Variants in THEM6 observed in about 807,000 individuals in gnomAD.
The protein encoded by THEM6 is thioesterase superfamily member 6.
THEM6 carries 10 observed loss-of-function variants against 13.7 expected under a neutral mutation model. The ratio of observed to expected loss-of-function variants is 0.73; its 90% CI spans 0.45 to 1.24. THEM6 has a LOEUF of 1.24. THEM6 is among the 50% of genes most tolerant of loss of function. The pLI is 0.00. For synonymous variants in THEM6, 161 were observed against 156.0 expected (o/e 1.03, Z -0.24); for missense variants, 317 against 312.6 (o/e 1.01, Z -0.11).
At chr8:142,731,847 G>A (rs1482410797) in intron 1 of THEM6, among the ~76,000 whole-genome samples, 1 of 152,090 alleles carries the variant, frequency 6.6e-6, no homozygotes, top group Non-Finnish European at 1.5e-5. Context: ...CTCGGGCTGG[G>A]TGGGATTTGC....
chr8:142,731,523 CAT>C (rs1427118577), intron 1 of THEM6, among the ~76,000 whole-genome samples: 20 of 152,304 alleles, frequency 1.3e-4, no homozygotes, highest in African/African-American at 4.6e-4. Context: ...CAATCTTCAA[CAT>C]GTCTTAACTT....
In THEM6 at chr8:142,735,447, C is replaced by G; in HGVS notation, c.*8C>G. The G allele has an allele frequency of 6.4e-7, 1 of 1,553,990 alleles. No homozygotes were observed. Among genetic ancestry groups the G allele is most frequent in the Non-Finnish European group, 8.7e-7 (1 of 1,146,254 alleles). On this transcript the variant is annotated 3_prime_UTR_variant, in exon 2 of 2. Transcript: ENST00000336138. The stretch of plus-strand genomic sequence containing the variant: ...GTCACCAAGGACCAGTGACCGCCAC[C>G]TTCACACCGTCTGCCCTGGCCACCA...
intron 1 of THEM6, among the ~76,000 whole-genome samples, chr8:142,732,727 T>TC (rs1815679229): frequency 1.3e-5 from 2 of 151,302 alleles, no homozygotes; most frequent in South Asian, 2.1e-4. Context: ...TTTTTTTTTT[T>TC]CTGCATTGCT....
chr8:142,732,793 C>G (rs1318065464), intron 1 of THEM6, among the ~76,000 whole-genome samples: 1 of 151,100 alleles, frequency 6.6e-6, no homozygotes, highest in African/African-American at 2.4e-5. Flanking sequence ...ATCCCTGAGG[C>G]CACTGCAGTG....
chr8:142,732,417 G>C (rs1292165927), intron 1 of THEM6, among the ~76,000 whole-genome samples: 1 of 151,208 alleles, frequency 6.6e-6, no homozygotes, highest in African/African-American at 2.4e-5. Flanking sequence ...GTGTAGGCGT[G>C]CTGGTATAAA....
At chr8:142,727,988 C>G (rs970478762) in intron 1 of THEM6, 129 bp downstream of exon 1, 1 of 1,058,094 alleles carries the variant, frequency 9.5e-7, no homozygotes, top group Non-Finnish European at 1.3e-6. Flanking sequence ...TGCTGGAGTC[C>G]TGCCTCTTAC....
At chr8:142,728,848 A>T (rs1380891947) in intron 1 of THEM6, among the ~76,000 whole-genome samples, 1 of 151,608 alleles carries the variant, frequency 6.6e-6, no homozygotes, top group Non-Finnish European at 1.5e-5. Flanking sequence ...GCTTGTATAT[A>T]TGGGGAGATG....
At chr8:142,733,228 G>A (rs587656442) in intron 1 of THEM6, among the ~76,000 whole-genome samples, 161 of 152,344 alleles carry the variant, frequency 1.1e-3, no homozygotes, top group African/African-American at 3.8e-3. Flanking sequence ...CTTCAAATAA[G>A]GAAGAGGAAC....
rs1272767854 is a variant in THEM6 at position 142,736,643 on chromosome 8, C to G, written c.*1204C>G. ...GGCTCCAGCTGATGCCCTCAGCTCC[C>G]AGAGAGGGGGTGCCCCATCTAGCTG... On this transcript the variant is annotated 3_prime_UTR_variant, in exon 2 of 2. Coordinates refer to ENST00000336138, the MANE Select transcript of THEM6 (RefSeq NM_016647.3). The G allele has an allele frequency of 6.6e-6, 1 of 152,328 alleles. No homozygotes were observed. Among genetic ancestry groups the G allele is most frequent in the Non-Finnish European group, 1.5e-5 (1 of 68,128 alleles). The allele number at this position is 152,328 out of a possible 1,614,324, so 9.4% of individuals were successfully genotyped here.
rs1252892358 is a variant in THEM6 at position 142,727,433 on chromosome 8, C to T, written c.87C>T (p.Cys29=). ...LDVWYLVRLP[C]AVLRARLLQP... Reference sequence around the variant, plus strand: ...TCTGGTACCTGGTGCGCCTTCCGTGCGCCGTGCTGCGCGCGCGCCTGCTGC... The same window carrying T: ...TCTGGTACCTGGTGCGCCTTCCGTGTGCCGTGCTGCGCGCGCGCCTGCTGC... Residue 29 remains cysteine (C), a synonymous_variant, in exon 1 of 2, where the codon TGC becomes TGT. Transcript: ENST00000336138. 1.3e-6 allele frequency: 2 copies of T among 1,547,976 alleles called. No individual in the cohort carries two copies. Among genetic ancestry groups the T allele is most frequent in the East Asian group, 2.5e-5 (1 of 40,544 alleles).
chr8:142,731,409 C>CT (rs1563822297), intron 1 of THEM6, among the ~76,000 whole-genome samples: 1 of 151,934 alleles, frequency 6.6e-6, no homozygotes, highest in Admixed American at 6.6e-5. Context: ...TGTATATAAA[C>CT]TGTTTTTTTT....
At chr8:142,732,086 C>T (rs1017804202) in intron 1 of THEM6, among the ~76,000 whole-genome samples, 1 of 147,786 alleles carries the variant, frequency 6.8e-6, no homozygotes, top group Non-Finnish European at 1.5e-5. Flanking sequence ...CCTTCCCCTT[C>T]CCCTGGGGGA....
At position 142,735,751 on chromosome 8, in the gene THEM6, C is replaced by T. The variant is rs1404975282; in HGVS notation, c.*312C>T. ...TGGGCCTAGGTAGGGGAGGATGGTGCCTGGAGCAGAGGGACCCACAAGTGC... is the reference window on the plus strand; with the variant it reads ...TGGGCCTAGGTAGGGGAGGATGGTGTCTGGAGCAGAGGGACCCACAAGTGC... On this transcript the variant is annotated 3_prime_UTR_variant, in exon 2 of 2. Transcript: ENST00000336138. 6.0e-6 allele frequency: 2 copies of T among 334,678 alleles called. No individual in the cohort carries two copies. Among genetic ancestry groups the T allele is most frequent in the African/African-American group, 2.1e-5 (1 of 47,934 alleles). 20.7% of individuals were successfully genotyped at this position (334,678 alleles called of 1,614,324 possible).
At chr8:142,728,366 C>T (rs1462291844) in intron 1 of THEM6, among the ~76,000 whole-genome samples, 1 of 152,228 alleles carries the variant, frequency 6.6e-6, no homozygotes, top group Non-Finnish European at 1.5e-5. Context: ...AGCTGAAAGC[C>T]TTCTGGCCTT....
intron 1 of THEM6, among the ~76,000 whole-genome samples, chr8:142,728,442 G>A (rs1554642651): frequency 6.6e-6 from 1 of 152,242 alleles, no homozygotes. Flanking sequence ...GGGCAGAACC[G>A]CCCCTGCAGC....
In THEM6 at chr8:142,727,236, C is replaced by T; in HGVS notation, c.-111C>T. ...CCCTCGCGCTGTGGTTCGCTCCGGG[C>T]GCGCTGCGCTCGTGAGTTCCCAGGA... On this transcript the variant is annotated 5_prime_UTR_variant, in exon 1 of 2. Transcript: ENST00000336138. 1 of 1,152,816 alleles carries T rather than the reference C, an allele frequency of 8.7e-7. No individual in the cohort carries two copies. The highest frequency in any genetic ancestry group is 1.1e-6 in the Non-Finnish European group (1 of 880,064). The allele number at this position is 1,152,816 out of a possible 1,614,324, so 71.4% of individuals were successfully genotyped here.
In THEM6 at chr8:142,732,204, A is replaced by ATATATATATATG. The variant is rs1382315215; in HGVS notation, c.514-3119_514-3118insATATATATGTAT. Reference sequence around the variant, plus strand: ...TATATATATATATATATATATATATATATTTTAACTACTGGAGGTTTGTGT... The same window carrying ATATATATATATG: ...TATATATATATATATATATATATATATATATATATATGTATTTTAACTACTGGAGGTTTGTGT... On this transcript the variant is annotated intron_variant, in intron 1 of 1. Transcript: ENST00000336138. Among the ~76,000 whole-genome samples, 36 of 102,674 alleles carry ATATATATATATG rather than the reference A, an allele frequency of 3.5e-4. 1 individual carries two copies. Among genetic ancestry groups the ATATATATATATG allele is most frequent in the African/African-American group, 1.4e-3 (34 of 23,612 alleles). 67.4% of individuals were successfully genotyped at this position (102,674 alleles called of 152,430 possible).
intron 1 of THEM6, chr8:142,735,025 C>G: frequency 2.7e-6 from 1 of 373,900 alleles, no homozygotes; most frequent in Non-Finnish European, 5.0e-6. Context: ...CCCTCTGTCC[C>G]CTGTCACCCT....
At chr8:142,733,127 G>A (rs1020641740) in intron 1 of THEM6, among the ~76,000 whole-genome samples, 1 of 152,162 alleles carries the variant, frequency 6.6e-6, no homozygotes, top group African/African-American at 2.4e-5. Flanking sequence ...GTCCCGATTG[G>A]CTAGCAACGT....
Sources: allele counts gnomAD v4.1 joint callset (sites outside exome capture counted in the v4.1 genomes callset), GRCh38; gene constraint gnomAD v4.1.1; transcripts MANE v1.5; gene names NCBI Gene and HGNC (gene_info 2026-07-23, HGNC 2026-07-21).